The following TTLL11 variants were observed in gnomAD, a reference collection of about 807,000 sequenced individuals.
TTLL11 encodes tubulin tyrosine ligase like 11, also known as tubulin polyglutamylase TTLL11.
TTLL11 carries 42 observed loss-of-function variants against 51.7 expected under a neutral mutation model. The observed-to-expected ratio is 0.81, with a 90% CI of 0.64 to 1.05. The LOEUF is 1.05. TTLL11 is among the 50% of genes least tolerant of loss of function. TTLL11 has a pLI of 0.00. For missense variants in TTLL11, 799 were observed against 940.4 expected, an observed-to-expected ratio of 0.85 and a Z score of 1.97; for synonymous variants, 381 against 383.5, an observed-to-expected ratio of 0.99 and a Z score of 0.08.
intron 5 of TTLL11, 45 bp from the exon 6 acceptor site, chr9:121,974,169 C>T (rs1488929898): frequency 2.6e-5 from 37 of 1,444,904 alleles, no homozygotes; most frequent in South Asian, 1.1e-4. Flanking sequence ...ACCGTGATTC[C>T]GTGCCAAGTG....
At chr9:121,891,505 G>A (rs528061230) in intron 6 of TTLL11, among the ~76,000 whole-genome samples, 8 of 152,162 alleles carry the variant, frequency 5.3e-5, no homozygotes, top group Non-Finnish European at 1.2e-4. Flanking sequence ...TCCATAATTT[G>A]TCATCTCTGG....
intron 6 of TTLL11, among the ~76,000 whole-genome samples, chr9:121,904,858 C>A (rs892922994): frequency 6.6e-6 from 1 of 152,170 alleles, no homozygotes; most frequent in Non-Finnish European, 1.5e-5. Context: ...TGGGTCCAGC[C>A]GTGAATAACC....
chr9:122,025,786 T>C (rs572351774), intron 3 of TTLL11, among the ~76,000 whole-genome samples: 18 of 152,320 alleles, frequency 1.2e-4, no homozygotes, highest in African/African-American at 4.3e-4. Context: ...AGCAATTCAA[T>C]TTTTAAGCAT....
chr9:121,880,268 G>A (rs904914246), intron 6 of TTLL11, among the ~76,000 whole-genome samples: 24 of 152,300 alleles, frequency 1.6e-4, no homozygotes, highest in African/African-American at 5.5e-4. Flanking sequence ...AAGGCACGGT[G>A]AACAAGGTCC....
chr9:121,879,568 G>C (rs1053093656), intron 6 of TTLL11, among the ~76,000 whole-genome samples: 1 of 152,246 alleles, frequency 6.6e-6, no homozygotes, highest in Non-Finnish European at 1.5e-5. Context: ...GAAATACATA[G>C]AGAGTGGGGC....
chr9:122,079,851 G>A (rs1845956235), intron 1 of TTLL11, among the ~76,000 whole-genome samples: 1 of 152,156 alleles, frequency 6.6e-6, no homozygotes, highest in Admixed American at 6.5e-5. Context: ...GGATGAGCCA[G>A]GCACAGTGGC....
intron 4 of TTLL11, among the ~76,000 whole-genome samples, chr9:121,984,874 C>G (rs1465634504): frequency 6.6e-6 from 1 of 152,168 alleles, no homozygotes; most frequent in African/African-American, 2.4e-5. Flanking sequence ...TACACTGAGA[C>G]AGGCCTTGCT....
chr9:122,013,747 C>A (rs1182952637), intron 3 of TTLL11, among the ~76,000 whole-genome samples: 2 of 152,154 alleles, frequency 1.3e-5, no homozygotes, highest in Non-Finnish European at 2.9e-5. Flanking sequence ...CATACCGTAG[C>A]CTTCATTATT....
intron 1 of TTLL11, among the ~76,000 whole-genome samples, chr9:122,081,573 T>C (rs1427200977): frequency 6.6e-6 from 1 of 152,218 alleles, no homozygotes; most frequent in Non-Finnish European, 1.5e-5. Context: ...ATATAAAATA[T>C]CCAGTTCCAT....
At chr9:121,826,539 A>ATATATATGTGTG (rs1564260539) in intron 8 of TTLL11, among the ~76,000 whole-genome samples, 1 of 52,314 alleles carries the variant, frequency 1.9e-5, no homozygotes, top group African/African-American at 7.7e-5. Flanking sequence ...GTGTGTGTGT[A>ATATATATGTGTG]TATATATATA....
At chr9:121,975,011 GTC>G (rs1842666958) in intron 4 of TTLL11, 32 bp from the exon 5 acceptor site, 30 of 1,446,792 alleles carry the variant, frequency 2.1e-5, no homozygotes, top group Admixed American at 2.5e-5. Context: ...CAGAATTACT[GTC>G]TCTATTGAGT....
chr9:122,002,944 C>CAAAAAAAAAAAAAAAAA (rs547408355), intron 3 of TTLL11, among the ~76,000 whole-genome samples: 16 of 61,230 alleles, frequency 2.6e-4, no homozygotes, highest in African/African-American at 7.6e-4. Flanking sequence ...GACTCTGTCT[C>CAAAAAAAAAAAAAAAAA]AAAAAAAAAA....
chr9:121,909,032 T>C (rs1468913661), intron 6 of TTLL11, among the ~76,000 whole-genome samples: 1 of 152,236 alleles, frequency 6.6e-6, no homozygotes, highest in Admixed American at 6.5e-5. Context: ...CATTCATTCA[T>C]TCTTCCATTC....
At chr9:121,851,275 C>T (rs1001353781) in intron 8 of TTLL11, among the ~76,000 whole-genome samples, 1 of 152,162 alleles carries the variant, frequency 6.6e-6, no homozygotes, top group Non-Finnish European at 1.5e-5. Context: ...AATGTCAAAT[C>T]CCACAGAACT....
chr9:121,826,557 G>GTGTGTGTGTGTATATATATATATATA (rs1189626793), intron 8 of TTLL11, among the ~76,000 whole-genome samples: 10 of 51,344 alleles, frequency 1.9e-4, no homozygotes, highest in African/African-American at 6.3e-4. Context: ...ATATGTGTGT[G>GTGTGTGTGTGTATATATATATATATA]TATATATATA....
At chr9:122,002,035 C>CTG (rs1843484426) in intron 3 of TTLL11, among the ~76,000 whole-genome samples, 1 of 152,252 alleles carries the variant, frequency 6.6e-6, no homozygotes, top group African/African-American at 2.4e-5. Flanking sequence ...CCACTGGAGG[C>CTG]TGCTACAGAA....
At chr9:122,072,392 C>T (rs1194587159) in intron 1 of TTLL11, among the ~76,000 whole-genome samples, 1 of 152,094 alleles carries the variant, frequency 6.6e-6, no homozygotes, top group Admixed American at 6.5e-5. Flanking sequence ...ACCTGTAATC[C>T]TAGCACTTTG....
intron 3 of TTLL11, among the ~76,000 whole-genome samples, chr9:122,030,129 G>A (rs1844486923): frequency 1.4e-5 from 2 of 146,826 alleles, no homozygotes; most frequent in Non-Finnish European, 3.0e-5. Context: ...GACTGTAGTT[G>A]GATGCAAAGC....
intron 6 of TTLL11, among the ~76,000 whole-genome samples, chr9:121,911,214 A>G (rs1840103617): frequency 6.6e-6 from 1 of 152,090 alleles, no homozygotes. Context: ...TGGCCAACAC[A>G]GCAAAATTCT....
Sources: allele counts gnomAD v4.1 joint callset (sites outside exome capture counted in the v4.1 genomes callset), GRCh38; gene constraint gnomAD v4.1.1; transcripts MANE v1.5; gene names NCBI Gene and HGNC (gene_info 2026-07-23, HGNC 2026-07-21).